USP3: variants seen among roughly 807,000 people sequenced by gnomAD.
USP3 encodes ubiquitin specific peptidase 3.
USP3 carries 20 observed loss-of-function variants against 72.3 expected under a neutral mutation model. The ratio of observed to expected loss-of-function variants is 0.28; its 90% CI spans 0.19 to 0.40. USP3 has a LOEUF of 0.40. USP3 is among the 10% of genes least tolerant of loss of function. The pLI is 1.00. For missense variants in USP3, 479 were observed against 633.9 expected, an observed-to-expected ratio of 0.76 and a Z score of 2.62; for synonymous variants, 222 against 225.3, an observed-to-expected ratio of 0.99 and a Z score of 0.13.
intron 1 of USP3, among the ~76,000 whole-genome samples, chr15:63,524,561 A>G (rs2065956104): frequency 1.3e-5 from 2 of 152,204 alleles, no homozygotes; most frequent in Non-Finnish European, 2.9e-5. Context: ...GGACTCACAG[A>G]GTTACCAGAC....
At chr15:63,563,205 T>G (rs931894109) in intron 8 of USP3, among the ~76,000 whole-genome samples, 197 bp downstream of exon 8, 1 of 152,200 alleles carries the variant, frequency 6.6e-6, no homozygotes, top group Admixed American at 6.5e-5. Flanking sequence ...TAATAGACTA[T>G]AGAAATGTCT....
At chr15:63,513,791 A>G (rs2065818920) in intron 1 of USP3, among the ~76,000 whole-genome samples, 1 of 152,246 alleles carries the variant, frequency 6.6e-6, no homozygotes, top group African/African-American at 2.4e-5. Flanking sequence ...TGAAATTTCT[A>G]GAAAACAAAT....
chr15:63,534,501 C>A (rs1567100353), intron 2 of USP3, among the ~76,000 whole-genome samples: 1 of 152,082 alleles, frequency 6.6e-6, no homozygotes. Flanking sequence ...TCCTCTTGTG[C>A]TGTAGACCAA....
At chr15:63,515,194 G>T (rs925455662) in intron 1 of USP3, among the ~76,000 whole-genome samples, 2 of 152,202 alleles carry the variant, frequency 1.3e-5, no homozygotes, top group Non-Finnish European at 2.9e-5. Context: ...TATTTAAAAT[G>T]AAGATCAAGA....
At chr15:63,578,139 G>C (rs1347305602) in intron 11 of USP3, among the ~76,000 whole-genome samples, 1 of 151,898 alleles carries the variant, frequency 6.6e-6, no homozygotes, top group East Asian at 1.9e-4. Flanking sequence ...AGCCAGGTAC[G>C]GTGGCATGTG....
At position 63,588,742 on chromosome 15, in the gene USP3, A is replaced by G. The variant is rs776106814; in HGVS notation, c.1256A>G (p.Tyr419Cys). 3.1e-6 allele frequency: 5 copies of G among 1,614,200 alleles called. No homozygotes were observed. The highest frequency in any genetic ancestry group is 4.2e-6 in the Non-Finnish European group (5 of 1,179,996). Reference sequence around the variant, plus strand: ...TTGAAAAGATTTCATTGGACAGCATATTTAAGAAATAAAGTTGATACATAC... The same window carrying G: ...TTGAAAAGATTTCATTGGACAGCATGTTTAAGAAATAAAGTTGATACATAC... ...LHLKRFHWTA[Y>C]LRNKVDTYVE... Residue 419 changes from tyrosine (Y) to cysteine (C), a missense_variant, in exon 13 of 15, where the codon TAT becomes TGT. Coordinates refer to ENST00000380324, the MANE Select transcript of USP3 (RefSeq NM_006537.4). This position sits in a 1 kb window ranked among gnomAD's most constrained non-coding sequence, Gnocchi z 4.6.
At chr15:63,516,947 C>CT (rs2065858198) in intron 1 of USP3, among the ~76,000 whole-genome samples, 1 of 150,274 alleles carries the variant, frequency 6.7e-6, no homozygotes, top group African/African-American at 2.4e-5. Flanking sequence ...TTCTGGAACT[C>CT]TTATTAGTTG....
Position 63,588,555 on chromosome 15 carries a change from C to T in USP3, c.1215+132C>T, listed in dbSNP as rs2067121079. 5.2e-6 allele frequency: 5 copies of T among 952,840 alleles called. No homozygotes were observed. Among genetic ancestry groups the T allele is most frequent in the South Asian group, 1.6e-5 (1 of 63,048 alleles). 59.0% of individuals were successfully genotyped at this position (952,840 alleles called of 1,614,324 possible). A position where few individuals can be genotyped will look rare whatever the true frequency, so the allele number is the denominator to read the frequency against. On this transcript the variant is annotated intron_variant, in intron 12 of 14. Coordinates refer to ENST00000380324, the MANE Select transcript of USP3 (RefSeq NM_006537.4). This position sits in a 1 kb window ranked among gnomAD's most constrained non-coding sequence, Gnocchi z 4.6. ...TAGGATTTTCAGTAAAAGCTAAACC[C>T]CTTACAGAATGAATGCATAAGGTAT...
chr15:63,564,635 A>T (rs1249219239), intron 8 of USP3, among the ~76,000 whole-genome samples: 1 of 152,244 alleles, frequency 6.6e-6, no homozygotes, highest in Non-Finnish European at 1.5e-5. Flanking sequence ...TTTAATTTCC[A>T]CATTGGAATA....
chr15:63,512,076 C>T (rs1242875552), intron 1 of USP3, among the ~76,000 whole-genome samples: 1 of 151,460 alleles, frequency 6.6e-6, no homozygotes, highest in Non-Finnish European at 1.5e-5. Context: ...TTGCCTCAGC[C>T]TCCTGAGTGG....
intron 9 of USP3, among the ~76,000 whole-genome samples, chr15:63,573,284 C>G (rs1025437312): frequency 6.6e-6 from 1 of 151,938 alleles, no homozygotes; most frequent in Non-Finnish European, 1.5e-5. Context: ...ACAACTCTCT[C>G]ATCTACACAC....
At chr15:63,575,658 C>A (rs1280459693) in intron 11 of USP3, among the ~76,000 whole-genome samples, 1 of 152,222 alleles carries the variant, frequency 6.6e-6, no homozygotes, top group Non-Finnish European at 1.5e-5. Flanking sequence ...AAAAGCCCCA[C>A]TCCACTTCTC....
At chr15:63,532,277 A>C (rs563222988) in intron 1 of USP3, among the ~76,000 whole-genome samples, 1 of 152,348 alleles carries the variant, frequency 6.6e-6, no homozygotes, top group South Asian at 2.1e-4. Context: ...CATGGCAATG[A>C]CATGTGATTA....
At position 63,553,731 on chromosome 15, in the gene USP3, T is replaced by G; in HGVS notation, c.301T>G (p.Phe101Val). The change falls in exon 4 of 15, where the codon TTT becomes GTT. Residue 101 changes from phenylalanine to valine, a missense_variant. Physicochemically the swap from Phe to Val is conservative, Grantham distance 50. Coordinates refer to ENST00000380324, the MANE Select transcript of USP3 (RefSeq NM_006537.4). The surrounding 1 kb of genome is among the most constrained non-coding windows in gnomAD (Gnocchi z 4.2). The part of the protein sequence containing the change: ...YSTYCYRCDD[F>V]VVNDTKLGLV... ...TCCTTGCAGTTATCGCTGTGATGAT[T>G]TTGTGGTTAATGACACCAAGCTGGG... 6.2e-7 allele frequency: 1 copy of G among 1,612,718 alleles called. No individual in the cohort carries two copies.
In USP3 at chr15:63,588,245, C is replaced by T. The variant is rs2067114979; in HGVS notation, c.1097-60C>T. The T allele has an allele frequency of 2.3e-6, 3 of 1,285,300 alleles. No individual in the cohort carries two copies. The highest frequency in any genetic ancestry group is 3.0e-5 in the African/African-American group (2 of 66,492). The allele number at this position is 1,285,300 out of a possible 1,614,324, so 79.6% of individuals were successfully genotyped here. A position where few individuals can be genotyped will look rare whatever the true frequency, so the allele number is the denominator to read the frequency against. ...ATTTTAAACCTGGGTCTTTTTTCTA[C>T]AGTACATTGCCTCTACAAAAGGCAT... On this transcript the variant is annotated intron_variant, in intron 11 of 14. Transcript: ENST00000380324. The surrounding 1 kb of genome is among the most constrained non-coding windows in gnomAD (Gnocchi z 4.6).
intron 2 of USP3, 58 bp from the exon 3 acceptor site, chr15:63,536,967 C>T (rs1240010935): frequency 9.2e-6 from 14 of 1,516,444 alleles, no homozygotes; most frequent in Non-Finnish European, 1.1e-5. Context: ...TCATCATTTC[C>T]TACTCCTTTA....
At chr15:63,524,472 A>G (rs562167095) in intron 1 of USP3, among the ~76,000 whole-genome samples, 2 of 152,326 alleles carry the variant, frequency 1.3e-5, no homozygotes, top group East Asian at 3.9e-4. Flanking sequence ...GCCTAAAGCA[A>G]CCATTTCATT....
At chr15:63,537,189 T>TA (rs2066170426) in intron 3 of USP3, 33 bp downstream of exon 3, 1 of 1,605,438 alleles carries the variant, frequency 6.2e-7, no homozygotes. Context: ...TGAGATTTCT[T>TA]ACTGTGTGCA....
intron 3 of USP3, among the ~76,000 whole-genome samples, chr15:63,547,775 A>G (rs866329296): frequency 3.7e-5 from 1 of 26,778 alleles, no homozygotes; most frequent in South Asian, 7.3e-4. Flanking sequence ...AGAGAGAGAG[A>G]GAGAGAGAGA....
Sources: allele counts gnomAD v4.1 joint callset (sites outside exome capture counted in the v4.1 genomes callset), GRCh38; gene constraint gnomAD v4.1.1; non-coding constraint Gnocchi (gnomAD v3.1); transcripts MANE v1.5; gene names NCBI Gene and HGNC (gene_info 2026-07-23, HGNC 2026-07-21).